CPQ: variants seen among roughly 807,000 people sequenced by gnomAD.
CPQ encodes the protein carboxypeptidase Q, also known as Ser-Met dipeptidase.
A neutral mutation model predicts 45.7 loss-of-function variants in CPQ; 37 were observed. The observed-to-expected ratio is 0.81, with a 90% CI of 0.62 to 1.07. CPQ has a LOEUF of 1.07. CPQ is among the 50% of genes least tolerant of loss of function. The probability of loss-of-function intolerance (pLI) is 0.00; values close to 1 mark genes in which losing one functional copy is unlikely to be tolerated. For missense variants in CPQ, 537 were observed against 572.9 expected, an observed-to-expected ratio of 0.94 and a Z score of 0.64; for synonymous variants, 186 against 205.8, an observed-to-expected ratio of 0.90 and a Z score of 0.82.
chr8:97,113,342 A>C (rs1811529696), intron 7 of CPQ, among the ~76,000 whole-genome samples: 1 of 152,176 alleles, frequency 6.6e-6, no homozygotes, highest in African/African-American at 2.4e-5. Flanking sequence ...GGGTAAAAGA[A>C]TGGGTTGGTT....
At chr8:97,132,688 C>T (rs1340249536) in intron 7 of CPQ, 2 of 152,134 alleles carry the variant, frequency 1.3e-5, no homozygotes, top group Admixed American at 6.5e-5. Context: ...AGGGTGTTTT[C>T]AGGTTTGAAA....
intron 6 of CPQ, among the ~76,000 whole-genome samples, chr8:97,058,848 C>T (rs1810499043): frequency 6.6e-6 from 1 of 152,062 alleles, no homozygotes; most frequent in Admixed American, 6.6e-5. Flanking sequence ...AAATTAGAAG[C>T]TGAAATAGAT....
At chr8:97,132,285 A>G (rs1352119582) in intron 7 of CPQ, among the ~76,000 whole-genome samples, 1 of 152,172 alleles carries the variant, frequency 6.6e-6, no homozygotes, top group Admixed American at 6.5e-5. Context: ...CCCCAATACC[A>G]TAAGCATTAA....
At chr8:96,844,640 A>G (rs895815657) in intron 3 of CPQ, among the ~76,000 whole-genome samples, 2 of 152,228 alleles carry the variant, frequency 1.3e-5, no homozygotes, top group Non-Finnish European at 2.9e-5. Flanking sequence ...TTGATGAAAT[A>G]TAACTGACGT....
intron 4 of CPQ, among the ~76,000 whole-genome samples, chr8:96,951,871 T>A (rs573091143): frequency 6.6e-6 from 1 of 152,174 alleles, no homozygotes; most frequent in East Asian, 1.9e-4. Context: ...TTTGAATGTT[T>A]GAGGTCATCT....
chr8:97,069,481 A>G (rs1309289182), intron 7 of CPQ, among the ~76,000 whole-genome samples: 3 of 151,798 alleles, frequency 2.0e-5, no homozygotes, highest in Non-Finnish European at 4.4e-5. Context: ...AAAAAAAAAA[A>G]AAAAAGAAAA....
At chr8:96,841,719 T>C (rs1265541157) in intron 3 of CPQ, among the ~76,000 whole-genome samples, 7 of 152,100 alleles carry the variant, frequency 4.6e-5, no homozygotes, top group Non-Finnish European at 4.4e-5. Flanking sequence ...TGACAGAGTA[T>C]AGTGAAGAGG....
chr8:96,892,315 C>G (rs910212579), intron 4 of CPQ, among the ~76,000 whole-genome samples: 3 of 152,136 alleles, frequency 2.0e-5, no homozygotes, highest in Non-Finnish European at 2.9e-5. Context: ...TACAGAAATG[C>G]AGTTTTGCCT....
intron 2 of CPQ, among the ~76,000 whole-genome samples, chr8:96,830,871 C>G (rs551708105): frequency 1.1e-4 from 16 of 152,122 alleles, no homozygotes; most frequent in Non-Finnish European, 1.8e-4. Context: ...CCAAGCTTTT[C>G]TTTTGATATT....
chr8:97,005,567 A>G (rs1809367882), intron 5 of CPQ, among the ~76,000 whole-genome samples: 1 of 152,014 alleles, frequency 6.6e-6, no homozygotes, highest in African/African-American at 2.4e-5. Flanking sequence ...TAAAAAATCA[A>G]ATAAAATCTG....
intron 7 of CPQ, among the ~76,000 whole-genome samples, chr8:97,128,981 G>A (rs980917299): frequency 6.6e-6 from 1 of 152,186 alleles, no homozygotes; most frequent in Non-Finnish European, 1.5e-5. Context: ...AGGAGGGTCA[G>A]TAGCCATTCT....
At chr8:96,726,781 T>C (rs1176961668) in intron 1 of CPQ, among the ~76,000 whole-genome samples, 3 of 152,084 alleles carry the variant, frequency 2.0e-5, no homozygotes, top group Non-Finnish European at 4.4e-5. Flanking sequence ...GACTGGTGGC[T>C]TTTTGAGAAG....
chr8:97,096,465 C>A (rs1411014091), intron 7 of CPQ, among the ~76,000 whole-genome samples: 2 of 152,152 alleles, frequency 1.3e-5, no homozygotes, highest in African/African-American at 4.8e-5. Flanking sequence ...AAGATATGAA[C>A]CTCCCTAAAT....
At chr8:97,036,175 A>G (rs1014498415) in intron 6 of CPQ, among the ~76,000 whole-genome samples, 1 of 152,088 alleles carries the variant, frequency 6.6e-6, no homozygotes, top group Non-Finnish European at 1.5e-5. Flanking sequence ...TCCTGCTCAT[A>G]ACCACGGCCG....
intron 6 of CPQ, among the ~76,000 whole-genome samples, chr8:97,064,929 T>C (rs2130526405): frequency 6.6e-6 from 1 of 152,304 alleles, no homozygotes. Context: ...TTGACCTCCC[T>C]GATTGTCAGA....
chr8:96,678,238 T>C (rs1183184746), intron 1 of CPQ, among the ~76,000 whole-genome samples: 2 of 152,152 alleles, frequency 1.3e-5, no homozygotes, highest in Non-Finnish European at 2.9e-5. Flanking sequence ...GGGAATTGCA[T>C]TGAATCCGTA....
chr8:96,701,849 G>A (rs1449213858), intron 1 of CPQ, among the ~76,000 whole-genome samples: 1 of 152,142 alleles, frequency 6.6e-6, no homozygotes, highest in Non-Finnish European at 1.5e-5. Flanking sequence ...CTAACTGAAG[G>A]AACTTTTGTT....
At chr8:97,096,219 A>G (rs954139804) in intron 7 of CPQ, among the ~76,000 whole-genome samples, 3 of 152,198 alleles carry the variant, frequency 2.0e-5, no homozygotes, top group Non-Finnish European at 2.9e-5. Context: ...GCCAATTCAT[A>G]TAAGTTATGA....
At chr8:96,693,149 AAAG>A (rs958740126) in intron 1 of CPQ, among the ~76,000 whole-genome samples, 32 of 152,066 alleles carry the variant, frequency 2.1e-4, no homozygotes, top group African/African-American at 7.7e-4. Flanking sequence ...AAAGTAGACA[AAAG>A]AAGAAAGAAT....
Sources: allele counts gnomAD v4.1 joint callset (sites outside exome capture counted in the v4.1 genomes callset), GRCh38; gene constraint gnomAD v4.1.1; transcripts MANE v1.5; gene names NCBI Gene and HGNC (gene_info 2026-07-23, HGNC 2026-07-21).